The following PDE12 variants were observed in gnomAD, a reference collection of about 807,000 sequenced individuals.
PDE12 encodes the protein 2',5'-phosphodiesterase 12.
In PDE12, 26 loss-of-function variants were observed where a neutral mutation model predicts 45.4. The ratio of observed to expected loss-of-function variants is 0.57; its 90% CI spans 0.42 to 0.79. The LOEUF is 0.79. PDE12 is among the 30% of genes least tolerant of loss of function. PDE12 has a pLI of 0.00. For synonymous variants in PDE12, 283 were observed against 323.9 expected (o/e 0.87, Z 1.36); for missense variants, 668 against 790.0 (o/e 0.85, Z 1.85).
chr3:57,611,528 A>T, the PDE12 span, among the ~76,000 whole-genome samples: 1 of 152,174 alleles, frequency 6.6e-6, no homozygotes, highest in African/African-American at 2.4e-5. Flanking sequence ...AACTTAAACA[A>T]ACTTAACAGG....
the PDE12 span, among the ~76,000 whole-genome samples, chr3:57,611,946 G>GT: frequency 6.6e-6 from 1 of 152,126 alleles, no homozygotes; most frequent in Non-Finnish European, 1.5e-5. Flanking sequence ...GCCCACGTAT[G>GT]TTTATCGCGG....
chr3:57,583,899 TG>T, the PDE12 span: 1 of 1,583,554 alleles, frequency 6.3e-7, no homozygotes, highest in South Asian at 1.1e-5. Context: ...ATCCCTTACC[TG>T]GGTATTCTGG....
Position 57,557,247 on chromosome 3 carries a change from A to C in PDE12, c.868A>C (p.Thr290Pro). 6.2e-7 allele frequency: 1 copy of C among 1,613,894 alleles called. No individual in the cohort carries two copies. The highest frequency in any genetic ancestry group is 8.5e-7 in the Non-Finnish European group (1 of 1,179,996). ...CCGGCATCTCTACACGAAGAAGGTG[A>C]CTGAGGACGCTCTCATCCGCACTGT... ...DHRHLYTKKV[T>P]EDALIRTVSY... Residue 290 changes from threonine (T) to proline (P), a missense_variant, in exon 1 of 3, where the codon ACT becomes CCT. Transcript: ENST00000311180.
At chr3:57,633,278 A>G in the PDE12 span, 1 of 1,613,352 alleles carries the variant, frequency 6.2e-7, no homozygotes, top group South Asian at 1.1e-5. Context: ...TGGAATGATG[A>G]AACTTTGTGT....
the PDE12 span, among the ~76,000 whole-genome samples, chr3:57,648,265 A>C: frequency 1.3e-5 from 2 of 152,192 alleles, no homozygotes; most frequent in Non-Finnish European, 2.9e-5. Context: ...GCTGCAATAC[A>C]TAAAATACTA....
chr3:57,641,676 C>A, the PDE12 span: 1 of 1,612,092 alleles, frequency 6.2e-7, no homozygotes, highest in African/African-American at 1.3e-5. Context: ...GTCTCCTATT[C>A]GAATAATGTG....
At chr3:57,573,046 C>CA in the PDE12 span, among the ~76,000 whole-genome samples, 1 of 151,324 alleles carries the variant, frequency 6.6e-6, no homozygotes. Flanking sequence ...ACTAAAAATA[C>CA]AAAAAATTAG....
At chr3:57,618,063 A>G in the PDE12 span, among the ~76,000 whole-genome samples, 14 of 152,168 alleles carry the variant, frequency 9.2e-5, no homozygotes, top group Non-Finnish European at 1.8e-4. Context: ...GTTCTAACCT[A>G]TAAGTGGGAA....
chr3:57,571,153 C>G (rs1241408650), downstream of PDE12, among the ~76,000 whole-genome samples: 1 of 151,884 alleles, frequency 6.6e-6, no homozygotes, highest in Non-Finnish European at 1.5e-5. Context: ...CTCCTTTTAC[C>G]CTTGATCTGA....
At chr3:57,575,526 A>G in the PDE12 span, 7 of 1,601,622 alleles carry the variant, frequency 4.4e-6, no homozygotes, top group Non-Finnish European at 6.0e-6. Context: ...CAAGAGGTTA[A>G]TATCAACCTC....
chr3:57,608,793 C>G, the PDE12 span, among the ~76,000 whole-genome samples: 20,230 of 152,034 alleles, frequency 0.13, 1,449 homozygotes, highest in South Asian at 0.22. Flanking sequence ...ATAACGGGAG[C>G]CTTTAACACC....
the PDE12 span, among the ~76,000 whole-genome samples, chr3:57,600,357 CTTTCCTTT>C: frequency 6.7e-6 from 1 of 149,894 alleles, no homozygotes; most frequent in Non-Finnish European, 1.5e-5. Context: ...CTTTTTCTTT[CTTTCCTTT>C]CTTTTCTTTC....
the PDE12 span, chr3:57,631,201 A>G: frequency 4.0e-6 from 2 of 498,592 alleles, no homozygotes; most frequent in African/African-American, 2.0e-5. Flanking sequence ...AGGGGACTAC[A>G]TTTTTTCTTT....
the PDE12 span, among the ~76,000 whole-genome samples, chr3:57,613,142 G>A: frequency 2.0e-5 from 3 of 151,246 alleles, no homozygotes; most frequent in African/African-American, 7.3e-5. Flanking sequence ...GACCGCGTCT[G>A]GCTAATTTTT....
chr3:57,613,362 C>T, the PDE12 span, among the ~76,000 whole-genome samples: 24,009 of 149,066 alleles, frequency 0.16, 2,582 homozygotes, highest in East Asian at 0.48. Context: ...GGCACGATCT[C>T]GGCTCACTGC....
At chr3:57,597,417 C>T in the PDE12 span, 1 of 309,732 alleles carries the variant, frequency 3.2e-6, no homozygotes, top group Non-Finnish European at 6.1e-6. Flanking sequence ...GCGACTCCAG[C>T]AGCGGCCCGG....
chr3:57,628,375 A>G, the PDE12 span: 6 of 1,606,922 alleles, frequency 3.7e-6, no homozygotes, highest in South Asian at 1.1e-5. Context: ...TAACATTTAA[A>G]TTATCCTCAG....
the PDE12 span, among the ~76,000 whole-genome samples, chr3:57,606,800 G>A: frequency 1.3e-5 from 2 of 152,146 alleles, no homozygotes; most frequent in African/African-American, 2.4e-5. Context: ...GCAGTTCCAA[G>A]ATGGCCGAAT....
At chr3:57,568,379 T>C (rs1030628244), downstream of PDE12, among the ~76,000 whole-genome samples, 5 of 151,350 alleles carry the variant, frequency 3.3e-5, no homozygotes, top group Admixed American at 2.6e-4. Flanking sequence ...CGCTTGAGCT[T>C]GGGAGGTTGA....
Sources: gnomAD v4.1 joint callset for allele counts (sites outside exome capture counted in the v4.1 genomes callset) on GRCh38, gnomAD v4.1.1 for gene constraint, MANE v1.5 for transcripts, NCBI Gene and HGNC (gene_info 2026-07-23, HGNC 2026-07-21) for gene names.